The following KCNIP4 variants were observed in gnomAD, a reference collection of about 807,000 sequenced individuals.
KCNIP4 encodes potassium voltage-gated channel interacting protein 4.
KCNIP4 carries 12 observed loss-of-function variants against 34.0 expected under a neutral mutation model. The observed-to-expected ratio is 0.35, with a 90% confidence interval of 0.23 to 0.57. The LOEUF is 0.57. Among genes scored for constraint, KCNIP4 ranks in the 20% least tolerant of loss-of-function variants. The pLI, the probability that KCNIP4 is intolerant of heterozygous loss-of-function variation, is 0.83. For synonymous variants in KCNIP4, 124 were observed against 102.2 expected, an observed-to-expected ratio of 1.21 and a Z score of -1.29; for missense variants, 238 against 311.7, an observed-to-expected ratio of 0.76 and a Z score of 1.78.
chr4:21,634,000 A>G (rs1490003471), intron 1 of KCNIP4, among the ~76,000 whole-genome samples: 1 of 152,034 alleles, frequency 6.6e-6, no homozygotes, highest in Non-Finnish European at 1.5e-5. Flanking sequence ...AGAAAAGTTT[A>G]CTGTACATTT....
At chr4:21,140,430 G>A (rs1751855174) in intron 1 of KCNIP4, among the ~76,000 whole-genome samples, 1 of 152,056 alleles carries the variant, frequency 6.6e-6, no homozygotes, top group Non-Finnish European at 1.5e-5. Context: ...TTTCCTCTGT[G>A]TTTAGAGTAC....
chr4:21,369,008 A>G (rs113466573), intron 1 of KCNIP4, among the ~76,000 whole-genome samples: 4 of 147,032 alleles, frequency 2.7e-5, no homozygotes, highest in African/African-American at 1.1e-4. Context: ...CCATCTACCT[A>G]TCCTTTCTGA....
intron 1 of KCNIP4, among the ~76,000 whole-genome samples, chr4:21,887,571 C>A (rs1169538130): frequency 1.3e-5 from 2 of 152,180 alleles, no homozygotes; most frequent in East Asian, 3.9e-4. Context: ...TGAATTTCAC[C>A]CTTCCCCCAT....
At chr4:21,326,777 TA>T (rs1259932014) in intron 1 of KCNIP4, among the ~76,000 whole-genome samples, 1 of 151,968 alleles carries the variant, frequency 6.6e-6, no homozygotes, top group Non-Finnish European at 1.5e-5. Context: ...TGGTATGTTT[TA>T]ATTTCTTGCT....
chr4:21,624,850 G>C (rs1013374843), intron 1 of KCNIP4, among the ~76,000 whole-genome samples: 2 of 152,076 alleles, frequency 1.3e-5, no homozygotes, highest in South Asian at 4.1e-4. Context: ...TACAGGTTTT[G>C]AAAGACTCTT....
chr4:21,890,773 G>C (rs541713485), intron 1 of KCNIP4, among the ~76,000 whole-genome samples: 1 of 152,112 alleles, frequency 6.6e-6, no homozygotes, highest in Admixed American at 6.6e-5. Flanking sequence ...TTCCTCTTGG[G>C]AAAAGCATGC....
At chr4:20,749,555 G>A in intron 5 of KCNIP4, 107 bp downstream of exon 5, 1 of 686,116 alleles carries the variant, frequency 1.5e-6, no homozygotes, top group Non-Finnish European at 2.4e-6. Flanking sequence ...AGTGTCCTTG[G>A]GCTTTCTTTC....
At chr4:21,820,407 A>G (rs1160341536) in intron 1 of KCNIP4, among the ~76,000 whole-genome samples, 4 of 151,176 alleles carry the variant, frequency 2.6e-5, no homozygotes, top group African/African-American at 7.3e-5. Context: ...CCACATGCAG[A>G]GCTGGTTTAT....
At chr4:21,096,941 C>T (rs886931970) in intron 1 of KCNIP4, among the ~76,000 whole-genome samples, 1 of 152,022 alleles carries the variant, frequency 6.6e-6, no homozygotes, top group African/African-American at 2.4e-5. Flanking sequence ...TAATTTAAAG[C>T]TGGACAGACA....
At chr4:21,251,952 G>A in intron 1 of KCNIP4, among the ~76,000 whole-genome samples, 1 of 151,180 alleles carries the variant, frequency 6.6e-6, no homozygotes. Context: ...CATGGCACAT[G>A]TATACACATG....
chr4:21,564,801 T>C (rs975497507), intron 1 of KCNIP4, among the ~76,000 whole-genome samples: 1 of 151,902 alleles, frequency 6.6e-6, no homozygotes, highest in Non-Finnish European at 1.5e-5. Flanking sequence ...TGTGCAGAGG[T>C]GACGCAGTGA....
intron 1 of KCNIP4, among the ~76,000 whole-genome samples, chr4:21,920,664 A>G (rs906996785): frequency 2.0e-5 from 3 of 152,194 alleles, no homozygotes; most frequent in Admixed American, 6.5e-5. Context: ...TAATGTACAT[A>G]TGTTATATGC....
intron 1 of KCNIP4, among the ~76,000 whole-genome samples, chr4:21,138,182 G>A (rs769932554): frequency 1.3e-5 from 2 of 152,078 alleles, no homozygotes; most frequent in African/African-American, 4.8e-5. Context: ...CTTTGCTGGT[G>A]TTGTTTCTGC....
chr4:20,861,212 G>C (rs1722163233), intron 2 of KCNIP4, among the ~76,000 whole-genome samples: 1 of 152,110 alleles, frequency 6.6e-6, no homozygotes, highest in South Asian at 2.1e-4. Flanking sequence ...GTTTAAACTG[G>C]GGCCAGGCCC....
At chr4:21,298,921 T>C (rs1763998588) in intron 1 of KCNIP4, among the ~76,000 whole-genome samples, 1 of 152,158 alleles carries the variant, frequency 6.6e-6, no homozygotes, top group African/African-American at 2.4e-5. Context: ...GCCATTGCCC[T>C]TGATGTTGTA....
chr4:21,565,344 A>G (rs1739785990), intron 1 of KCNIP4, among the ~76,000 whole-genome samples: 1 of 152,076 alleles, frequency 6.6e-6, no homozygotes, highest in South Asian at 2.1e-4. Context: ...TAATCTCATC[A>G]TGGGAGCCCT....
intron 1 of KCNIP4, among the ~76,000 whole-genome samples, chr4:21,902,948 T>C (rs1727790755): frequency 6.6e-6 from 1 of 152,116 alleles, no homozygotes; most frequent in African/African-American, 2.4e-5. Context: ...GGCATCTTCA[T>C]AAGTCCTAGG....
At chr4:21,712,242 T>C (rs924519380) in intron 1 of KCNIP4, among the ~76,000 whole-genome samples, 3 of 152,216 alleles carry the variant, frequency 2.0e-5, no homozygotes. Flanking sequence ...TAACTTTATA[T>C]TGGGTCCTAG....
chr4:21,742,015 C>T (rs1222580850), intron 1 of KCNIP4, among the ~76,000 whole-genome samples: 5 of 152,048 alleles, frequency 3.3e-5, no homozygotes, highest in Non-Finnish European at 1.5e-5. Flanking sequence ...CCAGCCTAGG[C>T]AACAGAGCGA....
Sources: allele counts gnomAD v4.1 joint callset (sites outside exome capture counted in the v4.1 genomes callset), GRCh38; gene constraint gnomAD v4.1.1; transcripts MANE v1.5; gene names NCBI Gene and HGNC (gene_info 2026-07-23, HGNC 2026-07-21).